GRK1: variants seen among roughly 807,000 people sequenced by gnomAD.
GRK1 encodes G protein-coupled receptor kinase 1, also known as rhodopsin kinase GRK1.
A neutral mutation model predicts 41.7 loss-of-function variants in GRK1; 28 were observed. That is an observed-to-expected ratio of 0.67 (90% confidence interval 0.50 to 0.92). The LOEUF is 0.92. Ranked by LOEUF, GRK1 falls within the 40% of genes least tolerant of loss-of-function variation. The probability of loss-of-function intolerance (pLI) is 0.00; values close to 1 mark genes in which losing one functional copy is unlikely to be tolerated. For missense variants in GRK1, 703 were observed against 671.2 expected, an observed-to-expected ratio of 1.05 and a Z score of -0.52; for synonymous variants, 327 against 286.7, an observed-to-expected ratio of 1.14 and a Z score of -1.42.
In GRK1 at chr13:113,731,242, C is replaced by T. The variant is rs2049934820; in HGVS notation, c.1093C>T (p.Gln365Ter). Residue 365 changes from glutamine to a stop codon, truncating the protein, a stop_gained, in exon 5 of 7, where the codon CAG becomes TAG. Transcript: ENST00000335678. LOFTEE classifies it high-confidence loss of function. The surrounding 1 kb of genome is among the most constrained non-coding windows in gnomAD (Gnocchi z 5.6). ...AGGTTTCATGGCCCCCGAGCTCCTG[C>T]AGGGCGAGGAGTACGACTTCTCCGT... is the stretch of plus-strand genomic sequence containing the variant. ...TPGFMAPELLQGEEYDFSVDY... is the reference protein window; with the variant it reads ...TPGFMAPELL 2.0e-6 allele frequency: 3 copies of T among 1,537,066 alleles called. No homozygotes were observed. The East Asian group carries it at 7.3e-5, about 38-fold the overall frequency.
intron 4 of GRK1, among the ~76,000 whole-genome samples, chr13:113,728,733 G>A (rs1183076630): frequency 2.0e-5 from 3 of 152,190 alleles, no homozygotes; most frequent in Admixed American, 6.5e-5. Context: ...ACCCTGGAGG[G>A]GAAGCTTGCT....
At position 113,667,683 on chromosome 13, in the gene GRK1, C is replaced by A; in HGVS notation, c.297C>A (p.Asp99Glu). The change falls in exon 1 of 7, where the codon GAC (aspartate) becomes GAA (glutamate). Residue 99 changes from aspartate (D) to glutamate (E), a missense_variant. Transcript: ENST00000335678. This position sits in a 1 kb window ranked among gnomAD's most constrained non-coding sequence, Gnocchi z 7.5. ...ACATCGAGGACTATGACACGGCAGA[C>A]AATGACCTCCAGCCACAGAAGGCCC... The part of the protein sequence containing the change: ...WKDIEDYDTA[D>E]NDLQPQKAQT... 6.2e-7 allele frequency: 1 copy of A among 1,613,672 alleles called. No individual in the cohort carries two copies. The highest frequency in any genetic ancestry group is 8.5e-7 in the Non-Finnish European group (1 of 1,179,916).
chr13:113,669,603 G>A (rs1345889505), intron 1 of GRK1, 84 bp from the exon 2 acceptor site: 6 of 1,549,896 alleles, frequency 3.9e-6, no homozygotes, highest in East Asian at 2.3e-5. Context: ...TGCAGTGGGC[G>A]TGGCCGGGTG....
chr13:113,651,134 G>A, the GRK1 span, among the ~76,000 whole-genome samples: 2 of 151,902 alleles, frequency 1.3e-5, no homozygotes, highest in South Asian at 4.1e-4. Flanking sequence ...ATGGAACCAC[G>A]CTGTGAAACC....
At chr13:113,656,303 C>A in the GRK1 span, among the ~76,000 whole-genome samples, 2 of 152,192 alleles carry the variant, frequency 1.3e-5, no homozygotes, top group African/African-American at 2.4e-5. Flanking sequence ...GGTCTCTGTT[C>A]CCCCGCTGTG....
Position 113,671,465 on chromosome 13 carries a change from C to G in GRK1, c.828-34C>G, listed in dbSNP as rs2049856141. Reference sequence around the variant, plus strand: ...TCCATGATTTTACTCCCCATTAAACCCGGGGTGCATGGTTCCCACGTGTCT... The same window carrying G: ...TCCATGATTTTACTCCCCATTAAACGCGGGGTGCATGGTTCCCACGTGTCT... On this transcript the variant is annotated intron_variant, in intron 2 of 6. Coordinates refer to ENST00000335678, the MANE Select transcript of GRK1 (RefSeq NM_002929.3). This position sits in a 1 kb window ranked among gnomAD's most constrained non-coding sequence, Gnocchi z 4.1. The G allele has an allele frequency of 2.6e-6, 2 of 777,018 alleles. No homozygotes were observed. Among genetic ancestry groups the G allele is most frequent in the Non-Finnish European group, 4.8e-6 (2 of 417,878 alleles). 48.1% of individuals were successfully genotyped at this position (777,018 alleles called of 1,614,324 possible). A position where few individuals can be genotyped will look rare whatever the true frequency, so the allele number is the denominator to read the frequency against.
the GRK1 span, chr13:113,650,375 G>A: frequency 8.8e-6 from 14 of 1,587,956 alleles, no homozygotes; most frequent in Non-Finnish European, 1.2e-5. This position sits in a 1 kb window ranked among gnomAD's most constrained non-coding sequence, Gnocchi z 5.0. Flanking sequence ...CAGCAGCTGT[G>A]GTGAGGGAAG....
chr13:113,656,970 C>A, the GRK1 span, among the ~76,000 whole-genome samples: 4 of 152,202 alleles, frequency 2.6e-5, no homozygotes, highest in Non-Finnish European at 1.5e-5. Context: ...GCCCTTCTGC[C>A]CCCGGTCCCT....
chr13:113,724,611 C>T (rs568405206), intron 4 of GRK1, among the ~76,000 whole-genome samples: 32 of 152,280 alleles, frequency 2.1e-4, no homozygotes, highest in Non-Finnish European at 3.7e-4. Flanking sequence ...GTTCTGTGCC[C>T]ACACCCCTCA....
chr13:113,653,332 G>A, the GRK1 span: 1 of 1,613,222 alleles, frequency 6.2e-7, no homozygotes, highest in Non-Finnish European at 8.5e-7. Context: ...TGCTAGGAAG[G>A]CGTGGAGAGT....
chr13:113,669,347 G>A (rs746719408), intron 1 of GRK1, among the ~76,000 whole-genome samples: 8 of 152,238 alleles, frequency 5.3e-5, no homozygotes, highest in Non-Finnish European at 1.0e-4. Flanking sequence ...TGGACAGGAG[G>A]GAGGGCTGTG....
chr13:113,658,261 G>A, the GRK1 span: 1 of 1,008,966 alleles, frequency 9.9e-7, no homozygotes, highest in East Asian at 2.7e-5. Context: ...GGCATCGCAG[G>A]CGAAGGATCC....
upstream of GRK1, among the ~76,000 whole-genome samples, chr13:113,664,217 C>T (rs1292759400): frequency 2.6e-5 from 4 of 152,178 alleles, no homozygotes; most frequent in East Asian, 1.9e-4. This position sits in a 1 kb window ranked among gnomAD's most constrained non-coding sequence, Gnocchi z 5.4. Flanking sequence ...TTGAGCAGGG[C>T]GGGCTGGGGG....
At chr13:113,734,001 T>TGC (rs1194336287) in intron 6 of GRK1, among the ~76,000 whole-genome samples, 1 of 136,222 alleles carries the variant, frequency 7.3e-6, no homozygotes. Flanking sequence ...TACATGTGTG[T>TGC]GCGTGTGCGT....
intron 6 of GRK1, among the ~76,000 whole-genome samples, chr13:113,733,705 GTGTGTGCGCA>G (rs1566699703): frequency 7.9e-4 from 115 of 145,670 alleles, no homozygotes; most frequent in Non-Finnish European, 1.5e-3. Context: ...ACATGTGTGC[GTGTGTGCGCA>G]CGTGTGTGTG....
At chr13:113,723,445 G>A (rs1183478519) in intron 4 of GRK1, among the ~76,000 whole-genome samples, 2 of 151,950 alleles carry the variant, frequency 1.3e-5, no homozygotes, top group Non-Finnish European at 2.9e-5. Context: ...GCACAGTTTG[G>A]TTTTACACAT....
At chr13:113,655,238 G>T in the GRK1 span, among the ~76,000 whole-genome samples, 1 of 152,212 alleles carries the variant, frequency 6.6e-6, no homozygotes, top group Admixed American at 6.5e-5. Flanking sequence ...CGCTGTTTGA[G>T]ATGTGGCCGA....
chr13:113,670,369 C>T (rs1339208292), intron 2 of GRK1, among the ~76,000 whole-genome samples: 1 of 152,184 alleles, frequency 6.6e-6, no homozygotes, highest in Non-Finnish European at 1.5e-5. Flanking sequence ...GGCCGCTTAG[C>T]CACTGCGTGC....
rs1387036372 is a variant in GRK1 at position 113,735,038 on chromosome 13, C to T, written c.1397-30C>T. ...GGCGCTTCCTTCCCACCACGAGGAG[C>T]CTGGCGTCTGTGTTTTCTGTCTCCC... On this transcript the variant is annotated intron_variant, in intron 6 of 6. Coordinates refer to ENST00000335678, the MANE Select transcript of GRK1 (RefSeq NM_002929.3). The T allele has an allele frequency of 6.8e-6, 10 of 1,465,120 alleles. No individual in the cohort carries two copies. The South Asian group carries it at 1.2e-4, about 18-fold the overall frequency. The allele number at this position is 1,465,120 out of a possible 1,614,324, so 90.8% of individuals were successfully genotyped here. A position where few individuals can be genotyped will look rare whatever the true frequency, so the allele number is the denominator to read the frequency against.
Sources: allele counts gnomAD v4.1 joint callset (sites outside exome capture counted in the v4.1 genomes callset), GRCh38; gene constraint gnomAD v4.1.1; non-coding constraint Gnocchi (gnomAD v3.1); transcripts MANE v1.5; gene names NCBI Gene and HGNC (gene_info 2026-07-23, HGNC 2026-07-21).